The following MGAT5 variants were observed in gnomAD, a reference collection of about 807,000 sequenced individuals.
MGAT5 encodes the protein alpha-1,6-mannosylglycoprotein 6-beta-N-acetylglucosaminyltransferase, also known as alpha-1,6-mannosylglycoprotein 6-beta-N-acetylglucosaminyltransferase A.
A neutral mutation model predicts 94.3 loss-of-function variants in MGAT5; 30 were observed. That is an observed-to-expected ratio of 0.32 (90% CI 0.24 to 0.43). The LOEUF (loss-of-function observed/expected upper bound fraction) is 0.43, where lower values mean the gene tolerates loss of function less well. MGAT5 is among the 20% of genes least tolerant of loss of function. The pLI, the probability that MGAT5 is intolerant of heterozygous loss-of-function variation, is 1.00. For synonymous variants in MGAT5, 310 were observed against 322.9 expected (o/e 0.96, Z 0.43); for missense variants, 691 against 905.5 (o/e 0.76, Z 3.04).
At chr2:134,372,479 C>G (rs964056437) in intron 10 of MGAT5, among the ~76,000 whole-genome samples, 1 of 152,208 alleles carries the variant, frequency 6.6e-6, no homozygotes. Context: ...AGCACTGTCT[C>G]GTAGCCTCTT....
chr2:134,121,433 G>C (rs1488223879), intron 1 of MGAT5, among the ~76,000 whole-genome samples: 1 of 152,214 alleles, frequency 6.6e-6, no homozygotes, highest in Non-Finnish European at 1.5e-5. Context: ...GCGCGGAAGA[G>C]CCGAAGAGGG....
At position 134,317,504 on chromosome 2, in the gene MGAT5, C is replaced by T. The variant is rs1396402724; in HGVS notation, c.407-25C>T. 4.0e-6 allele frequency: 6 copies of T among 1,506,690 alleles called. 1 individual carries two copies. The Admixed American group carries it at 1.2e-4, about 31-fold the overall frequency. 93.3% of individuals were successfully genotyped at this position (1,506,690 alleles called of 1,614,324 possible). On this transcript the variant is annotated intron_variant, in intron 2 of 15. Transcript: ENST00000281923. ...TGTGTTTTATAGATCTCATTGTATC[C>T]TTTGTTGTTTTTCATTCTTCACAGA...
intron 9 of MGAT5, among the ~76,000 whole-genome samples, chr2:134,354,855 T>C (rs1251362983): frequency 1.3e-5 from 2 of 152,136 alleles, no homozygotes; most frequent in Non-Finnish European, 2.9e-5. Context: ...GCTCACTCCT[T>C]CTGTCCGCAT....
chr2:134,399,277 G>T (rs1682899283), intron 10 of MGAT5, among the ~76,000 whole-genome samples: 1 of 152,194 alleles, frequency 6.6e-6, no homozygotes, highest in African/African-American at 2.4e-5. Flanking sequence ...CCCTGCTGTG[G>T]ACTTACAGGA....
At chr2:134,341,857 G>A in intron 7 of MGAT5, 98 bp downstream of exon 7, 1 of 1,011,336 alleles carries the variant, frequency 9.9e-7, no homozygotes, top group Non-Finnish European at 1.4e-6. Flanking sequence ...TTTTGTCGAG[G>A]AAAATGAAAG....
At chr2:134,123,462 G>C (rs141819036) in intron 1 of MGAT5, among the ~76,000 whole-genome samples, 122 of 152,296 alleles carry the variant, frequency 8.0e-4, no homozygotes, top group South Asian at 1.7e-3. Flanking sequence ...CTCCTTCCCA[G>C]GGTCATACAG....
intron 2 of MGAT5, among the ~76,000 whole-genome samples, chr2:134,273,337 G>A (rs1684151530): frequency 6.6e-6 from 1 of 152,132 alleles, no homozygotes; most frequent in South Asian, 2.1e-4. Context: ...AATGGCTCCT[G>A]AGCTGTGAGA....
intron 1 of MGAT5, among the ~76,000 whole-genome samples, chr2:134,136,602 T>C (rs1440720969): frequency 6.6e-6 from 1 of 152,082 alleles, no homozygotes; most frequent in Non-Finnish European, 1.5e-5. Flanking sequence ...TAAATAAATA[T>C]AAAAAATATT....
intron 4 of MGAT5, among the ~76,000 whole-genome samples, chr2:134,328,452 TCTC>T (rs1431474305): frequency 3.3e-5 from 5 of 152,110 alleles, no homozygotes; most frequent in African/African-American, 1.2e-4. Context: ...CAGTCTGGTT[TCTC>T]CTCATTGAGG....
intron 1 of MGAT5, among the ~76,000 whole-genome samples, chr2:134,237,322 G>C (rs913971917): frequency 6.6e-6 from 1 of 152,164 alleles, no homozygotes; most frequent in Non-Finnish European, 1.5e-5. Flanking sequence ...GTCATGGGAG[G>C]CAAGACACCT....
chr2:134,378,352 A>G (rs948875136), intron 10 of MGAT5, among the ~76,000 whole-genome samples: 3 of 152,174 alleles, frequency 2.0e-5, no homozygotes, highest in East Asian at 1.9e-4. Flanking sequence ...CTCATCTTTT[A>G]TAATTCTTCT....
At chr2:134,363,475 T>C (rs1680225983) in intron 10 of MGAT5, among the ~76,000 whole-genome samples, 1 of 152,254 alleles carries the variant, frequency 6.6e-6, no homozygotes, top group Non-Finnish European at 1.5e-5. Flanking sequence ...GCTAGACCTT[T>C]GTCTTTGTTT....
At chr2:134,338,466 T>C (rs765078656) in intron 6 of MGAT5, 46 bp downstream of exon 6, 1 of 1,541,470 alleles carries the variant, frequency 6.5e-7, no homozygotes, top group Non-Finnish European at 8.7e-7. Context: ...AGCTTTCTTT[T>C]AAAATTTGAT....
intron 1 of MGAT5, among the ~76,000 whole-genome samples, chr2:134,209,171 T>TTTTTTTTTTTA (rs1680184809): frequency 5.1e-5 from 1 of 19,726 alleles, no homozygotes; most frequent in Non-Finnish European, 7.1e-5. Flanking sequence ...TTTTTTTTTA[T>TTTTTTTTTTTA]TTTTTTTTTT....
At chr2:134,229,048 G>C (rs1558998785) in intron 1 of MGAT5, among the ~76,000 whole-genome samples, 1 of 152,094 alleles carries the variant, frequency 6.6e-6, no homozygotes, top group Non-Finnish European at 1.5e-5. Context: ...CAGAATCCCA[G>C]GTTGTAGTTA....
intron 2 of MGAT5, among the ~76,000 whole-genome samples, chr2:134,281,400 G>A (rs769826894): frequency 3.3e-5 from 5 of 152,218 alleles, no homozygotes; most frequent in Non-Finnish European, 7.3e-5. Flanking sequence ...TTTTGGGAAT[G>A]TTGAGTTCAC....
At position 134,448,601 on chromosome 2, in the gene MGAT5, G is replaced by T. The variant is rs559052144; in HGVS notation, c.2028-48G>T. 2.5e-6 allele frequency: 4 copies of T among 1,571,376 alleles called. No individual in the cohort carries two copies. The African/African-American group carries it at 4.0e-5, about 16-fold the overall frequency. ...CTCACAGGGCCAGTGACGAGGAAAGGCTCTGTCCCTTCATCACCAACACTT... is the reference window on the plus strand; with the variant it reads ...CTCACAGGGCCAGTGACGAGGAAAGTCTCTGTCCCTTCATCACCAACACTT... On this transcript the variant is annotated intron_variant, in intron 15 of 15. Coordinates refer to ENST00000281923, the MANE Select transcript of MGAT5 (RefSeq NM_002410.5).
chr2:134,373,731 A>G (rs1351229322), intron 10 of MGAT5, among the ~76,000 whole-genome samples: 1 of 152,104 alleles, frequency 6.6e-6, no homozygotes, highest in Non-Finnish European at 1.5e-5. Context: ...GTTCCCACAG[A>G]GCTCCTCGTG....
chr2:134,432,057 A>G (rs1202739871), intron 14 of MGAT5, among the ~76,000 whole-genome samples: 1 of 152,244 alleles, frequency 6.6e-6, no homozygotes, highest in Non-Finnish European at 1.5e-5. Flanking sequence ...TTTGTAATCT[A>G]AGATCAAGCA....
Sources: allele counts gnomAD v4.1 joint callset (sites outside exome capture counted in the v4.1 genomes callset), GRCh38; gene constraint gnomAD v4.1.1; transcripts MANE v1.5; gene names NCBI Gene and HGNC (gene_info 2026-07-23, HGNC 2026-07-21).